The following NLRC3 variants were observed in gnomAD, a reference collection of about 807,000 sequenced individuals.
NLRC3 encodes the protein NLR family CARD domain-containing protein 3.
In NLRC3, 87 loss-of-function variants were observed where a neutral mutation model predicts 91.6. The ratio of observed to expected loss-of-function variants is 0.95; its 90% CI spans 0.80 to 1.14. The LOEUF is 1.14. Ranked by LOEUF, NLRC3 falls within the 50% of genes most tolerant of loss-of-function variation. The pLI, the probability that NLRC3 is intolerant of heterozygous loss-of-function variation, is 0.00. For missense variants in NLRC3, 1,577 were observed against 1,418.6 expected (o/e 1.11, Z -1.79); for synonymous variants, 694 against 625.3 (o/e 1.11, Z -1.64).
At chr16:3,572,000 G>T (rs1415680871) in intron 1 of NLRC3, among the ~76,000 whole-genome samples, 1 of 151,514 alleles carries the variant, frequency 6.6e-6, no homozygotes, top group East Asian at 1.9e-4. Context: ...AAAGTTGAAA[G>T]AAAAACTATA....
chr16:3,560,660 T>A (rs1295125509), intron 6 of NLRC3, among the ~76,000 whole-genome samples: 1 of 152,170 alleles, frequency 6.6e-6, no homozygotes, highest in Non-Finnish European at 1.5e-5. Context: ...TTGTTCTTTT[T>A]TGAGACGGAG....
intron 7 of NLRC3, 86 bp from the exon 8 acceptor site, chr16:3,557,080 G>A (rs760883781): frequency 7.0e-5 from 64 of 914,954 alleles, no homozygotes; most frequent in Non-Finnish European, 9.2e-5. Context: ...CTTGAAATTC[G>A]TGATCCTCTA....
intron 9 of NLRC3, among the ~76,000 whole-genome samples, chr16:3,553,472 A>G (rs1596458029): frequency 6.6e-6 from 1 of 152,300 alleles, no homozygotes; most frequent in East Asian, 1.9e-4. Context: ...AGGGACCACA[A>G]ATGGCCACTC....
intron 8 of NLRC3, among the ~76,000 whole-genome samples, chr16:3,556,171 A>G (rs907015331): frequency 6.6e-6 from 1 of 150,424 alleles, no homozygotes; most frequent in African/African-American, 2.4e-5. Context: ...TCTACTAAAA[A>G]TACAAAAAAA....
At position 3,541,682 on chromosome 16, in the gene NLRC3, C is replaced by T; in HGVS notation, c.*143G>A. The T allele has an allele frequency of 1.6e-6, 1 of 633,238 alleles. No individual in the cohort carries two copies. Among genetic ancestry groups the T allele is most frequent in the South Asian group, 1.9e-5 (1 of 53,044 alleles). The allele number at this position is 633,238 out of a possible 1,614,324, so 39.2% of individuals were successfully genotyped here. A position where few individuals can be genotyped will look rare whatever the true frequency, so the allele number is the denominator to read the frequency against. On this transcript the variant is annotated 3_prime_UTR_variant, in exon 20 of 20. Coordinates refer to ENST00000359128, the MANE Select transcript of NLRC3 (RefSeq NM_178844.4). ...AGCTCACGACCTCCTCCGGCAGCAC[C>T]TCTCCTTCCTCCCTGCAGAGCCCGG...
Position 3,563,710 on chromosome 16 carries a change from G to A in NLRC3, c.1227C>T (p.Leu409=). ...TLGRLAFHGL[L]KKKYVFYEQD... is the part of the protein sequence containing the mutation. The stretch of plus-strand genomic sequence containing the variant: ...GCTCGTAAAACACGTATTTCTTCTT[G>A]AGCAGCCCATGGAAGGCCAGACGGC... Residue 409 remains leucine (L), a synonymous_variant, in exon 5 of 20, where the codon CTC becomes CTT. Coordinates refer to ENST00000359128, the MANE Select transcript of NLRC3 (RefSeq NM_178844.4). The A allele has an allele frequency of 1.2e-6, 2 of 1,613,504 alleles. No homozygotes were observed. Among genetic ancestry groups the A allele is most frequent in the Non-Finnish European group, 1.7e-6 (2 of 1,179,794 alleles).
intron 14 of NLRC3, 123 bp from the exon 15 acceptor site, chr16:3,548,341 A>G: frequency 1.3e-6 from 1 of 771,108 alleles, no homozygotes; most frequent in Non-Finnish European, 2.2e-6. Flanking sequence ...GAATTCCTGC[A>G]ACCCCTGCCC....
intron 8 of NLRC3, 68 bp downstream of exon 8, chr16:3,556,843 G>C: frequency 9.6e-7 from 1 of 1,038,728 alleles, no homozygotes; most frequent in South Asian, 1.3e-5. Flanking sequence ...TCTCATAGGT[G>C]GTGCCTGAGG....
Position 3,577,232 on chromosome 16 carries a change from G to C in NLRC3, c.-252C>G, listed in dbSNP as rs1435329591. 1.4e-6 allele frequency: 1 copy of C among 702,402 alleles called. No individual in the cohort carries two copies. The highest frequency in any genetic ancestry group is 2.6e-6 in the Non-Finnish European group (1 of 384,758). 43.5% of individuals were successfully genotyped at this position (702,402 alleles called of 1,614,324 possible). On this transcript the variant is annotated 5_prime_UTR_variant, in exon 1 of 20. Transcript: ENST00000359128. ...TCTCCATGCTCCTGGGCTCAGCCCT[G>C]CTCCAGCTGCGTGGTGGTAGATGCC...
chr16:3,549,374 C>T, intron 12 of NLRC3, 149 bp from the exon 13 acceptor site: 1 of 681,702 alleles, frequency 1.5e-6, no homozygotes, highest in Non-Finnish European at 2.5e-6. Flanking sequence ...TGTGAAGGAG[C>T]CAGTGCTAGT....
At chr16:3,568,075 G>A (rs1348366010) in intron 1 of NLRC3, among the ~76,000 whole-genome samples, 2 of 152,036 alleles carry the variant, frequency 1.3e-5, no homozygotes, top group African/African-American at 4.8e-5. Flanking sequence ...CTTGCTCACC[G>A]GGCTGGTCTT....
chr16:3,564,034 C>T lies in NLRC3; in HGVS notation c.903G>A (p.Met301Ile). Residue 301 changes from methionine to isoleucine, a missense_variant, in exon 5 of 20, where the codon ATG becomes ATA. Met to Ile is a conservative substitution (Grantham distance 10). Coordinates refer to ENST00000359128, the MANE Select transcript of NLRC3 (RefSeq NM_178844.4). This position sits in a 1 kb window ranked among gnomAD's most constrained non-coding sequence, Gnocchi z 5.9. ...EEEIKVCLEQ[M>I]FPEDQALLGW... ...CCAGAAGGGCCTGGTCCTCGGGGAA[C>T]ATCTGCTCCAAACACACCTTGATCT... is the stretch of plus-strand genomic sequence containing the variant. 6.2e-7 allele frequency: 1 copy of T among 1,611,644 alleles called. No individual in the cohort carries two copies. The highest frequency in any genetic ancestry group is 1.3e-5 in the African/African-American group (1 of 75,078).
chr16:3,560,406 C>G (rs1386351517), intron 6 of NLRC3, among the ~76,000 whole-genome samples: 1 of 151,714 alleles, frequency 6.6e-6, no homozygotes. Context: ...CTGCCCAACA[C>G]AGGGAGACTC....
chr16:3,574,391 C>G (rs769460462), intron 1 of NLRC3, among the ~76,000 whole-genome samples: 9 of 152,042 alleles, frequency 5.9e-5, no homozygotes, highest in African/African-American at 2.2e-4. Context: ...TAAGCTCCTC[C>G]GGTGGTTCTA....
chr16:3,564,553 G>T lies in NLRC3; in HGVS notation c.384C>A (p.Phe128Leu). 1 of 1,611,976 alleles carries T rather than the reference G, an allele frequency of 6.2e-7. No homozygotes were observed. The highest frequency in any genetic ancestry group is 8.5e-7 in the Non-Finnish European group (1 of 1,179,632). Reference sequence around the variant, plus strand: ...GGACAGACACCCGGGAGAGAGGCAGGAAGAGCCGGTCCAGGGCGACGGTCC... The same window carrying T: ...GGACAGACACCCGGGAGAGAGGCAGTAAGAGCCGGTCCAGGGCGACGGTCC... ...PARTVALDRL[F>L]LPLSRVSVPP... The change falls in exon 5 of 20, where the codon TTC becomes TTA. Residue 128 changes from phenylalanine to leucine, a missense_variant. Physicochemically the swap from Phe to Leu is conservative, Grantham distance 22. Transcript: ENST00000359128. This position sits in a 1 kb window ranked among gnomAD's most constrained non-coding sequence, Gnocchi z 5.9.
Position 3,564,589 on chromosome 16 carries a change from CCCGCCCCCGCGGGT to C in NLRC3, c.334_347del (p.Thr112AlafsTer107), listed in dbSNP as rs2039788127. 1 of 1,611,094 alleles carries C rather than the reference CCCGCCCCCGCGGGT, an allele frequency of 6.2e-7. No homozygotes were observed. The highest frequency in any genetic ancestry group is 1.3e-5 in the African/African-American group (1 of 74,942). On this transcript the variant is annotated frameshift_variant, in exon 5 of 20. Coordinates refer to ENST00000359128, the MANE Select transcript of NLRC3 (RefSeq NM_178844.4). LOFTEE classifies it high-confidence loss of function. This position sits in a 1 kb window ranked among gnomAD's most constrained non-coding sequence, Gnocchi z 5.9. ...CCAGGGCGACGGTCCTGGCGGGGTG[CCCGCCCCCGCGGGT>C]GGCCTCCACCTGTGTGAAGTCGTGT...
intron 8 of NLRC3, among the ~76,000 whole-genome samples, chr16:3,555,444 T>G (rs1366210290): frequency 6.6e-6 from 1 of 151,810 alleles, no homozygotes; most frequent in East Asian, 1.9e-4. Context: ...AAGGGGAGAA[T>G]GGGAAGTGAC....
In NLRC3 at chr16:3,544,344, T is replaced by C. The variant is rs2038574105; in HGVS notation, c.2772-15A>G. ...TCTCCTGTAAACTAGACACAGAGTA[T>C]GACCCCTTTGGGTGCACGGGGCACA... On this transcript the variant is annotated splice_polypyrimidine_tract_variant and intron_variant, in intron 15 of 19. Coordinates refer to ENST00000359128, the MANE Select transcript of NLRC3 (RefSeq NM_178844.4). The C allele has an allele frequency of 3.1e-6, 5 of 1,593,970 alleles. No homozygotes were observed. Among genetic ancestry groups the C allele is most frequent in the Middle Eastern group, 1.7e-4 (1 of 6,044 alleles).
In NLRC3 at chr16:3,563,713, C is replaced by A. The variant is rs755739310; in HGVS notation, c.1224G>T (p.Leu408=). Residue 408 remains leucine, a synonymous_variant, in exon 5 of 20, where the codon CTG becomes CTT. Transcript: ENST00000359128. ...GTLGRLAFHG[L]LKKKYVFYEQ... ...CGTAAAACACGTATTTCTTCTTGAG[C>A]AGCCCATGGAAGGCCAGACGGCCCA... 2 of 1,613,546 alleles carry A rather than the reference C, an allele frequency of 1.2e-6. No individual in the cohort carries two copies. Among genetic ancestry groups the A allele is most frequent in the Admixed American group, 3.3e-5 (2 of 59,978 alleles).
Sources: allele counts gnomAD v4.1 joint callset (sites outside exome capture counted in the v4.1 genomes callset), GRCh38; gene constraint gnomAD v4.1.1; non-coding constraint Gnocchi (gnomAD v3.1); transcripts MANE v1.5; gene names NCBI Gene and HGNC (gene_info 2026-07-23, HGNC 2026-07-21).